Variants in NUP153 observed in about 807,000 individuals in gnomAD.
NUP153 encodes the protein nucleoporin 153.
Under a neutral mutation model 134.6 loss-of-function variants are expected in NUP153, and 27 were observed. That is an observed-to-expected ratio of 0.20 (90% CI 0.15 to 0.28). NUP153 has a LOEUF of 0.28. Among genes scored for constraint, NUP153 ranks in the 10% least tolerant of loss-of-function variants. The pLI is 1.00. For synonymous variants in NUP153, 640 were observed against 623.5 expected, an observed-to-expected ratio of 1.03 and a Z score of -0.40; for missense variants, 1,821 against 1,731.3, an observed-to-expected ratio of 1.05 and a Z score of -0.92.
chr6:17,641,319 G>C (rs893911092), intron 14 of NUP153, among the ~76,000 whole-genome samples: 3 of 152,060 alleles, frequency 2.0e-5, no homozygotes, highest in Non-Finnish European at 4.4e-5. Context: ...GGCAGATCAC[G>C]AGGTCAAGAG....
Position 17,647,741 on chromosome 6 carries a change from A to G in NUP153, c.1632+66T>C, listed in dbSNP as rs557076040. The G allele has an allele frequency of 6.7e-6, 7 of 1,048,578 alleles. No homozygotes were observed. In the East Asian group the frequency reaches 1.7e-4, roughly 25 times the overall value. 65.0% of individuals were successfully genotyped at this position (1,048,578 alleles called of 1,614,324 possible). ...TTTCTCACCACCAGTGGCATCTTAG[A>G]TTTGATAAAAATATAACATGGCTTT... On this transcript the variant is annotated intron_variant, in intron 13 of 21. Coordinates refer to ENST00000262077, the MANE Select transcript of NUP153 (RefSeq NM_005124.4).
chr6:17,691,868 G>A (rs1401959902), intron 1 of NUP153, among the ~76,000 whole-genome samples: 75 of 152,088 alleles, frequency 4.9e-4, no homozygotes, highest in Admixed American at 4.9e-3. Context: ...AGAGTGCAAT[G>A]GCACGTGATC....
intron 20 of NUP153, chr6:17,619,759 A>G (rs1764548954): frequency 6.6e-6 from 1 of 152,220 alleles, no homozygotes; most frequent in Non-Finnish European, 1.5e-5. Flanking sequence ...CTATGGATTC[A>G]ATGCAATCCC....
intron 16 of NUP153, among the ~76,000 whole-genome samples, chr6:17,634,710 TACAG>T (rs1765437611): frequency 6.6e-6 from 1 of 152,346 alleles, no homozygotes; most frequent in Non-Finnish European, 1.5e-5. Flanking sequence ...GTGCTGGGAT[TACAG>T]ACGTGAGCCA....
chr6:17,631,009 G>A (rs1765225007), intron 17 of NUP153, among the ~76,000 whole-genome samples: 1 of 152,140 alleles, frequency 6.6e-6, no homozygotes, highest in Non-Finnish European at 1.5e-5. Flanking sequence ...ATAAAAAGGG[G>A]AGCATGAATT....
chr6:17,697,808 G>C (rs1292697863), intron 1 of NUP153, among the ~76,000 whole-genome samples: 1 of 151,410 alleles, frequency 6.6e-6, no homozygotes, highest in Admixed American at 6.6e-5. Context: ...CAGCTGGGGT[G>C]GGGGAAGGCT....
chr6:17,695,597 C>T (rs1363891619), intron 1 of NUP153, among the ~76,000 whole-genome samples: 3 of 152,040 alleles, frequency 2.0e-5, no homozygotes, highest in South Asian at 2.1e-4. Flanking sequence ...TGATTTCCAC[C>T]GTTAAAGACT....
At chr6:17,643,056 G>A (rs2113791590) in intron 14 of NUP153, among the ~76,000 whole-genome samples, 1 of 152,282 alleles carries the variant, frequency 6.6e-6, no homozygotes, top group South Asian at 2.1e-4. Context: ...GGGGTTTCCT[G>A]GTGAGGGTGA....
intron 1 of NUP153, among the ~76,000 whole-genome samples, chr6:17,697,926 G>A (rs1003846565): frequency 6.6e-6 from 1 of 152,138 alleles, no homozygotes; most frequent in Non-Finnish European, 1.5e-5. Flanking sequence ...CCAACTCCTT[G>A]TCATTCCTAT....
intron 2 of NUP153, 141 bp downstream of exon 2, chr6:17,688,253 GAC>G (rs1561906036): frequency 1.6e-6 from 1 of 611,152 alleles, no homozygotes. Context: ...AAATAAAAAA[GAC>G]ATCCAATTTG....
chr6:17,697,717 G>A (rs1156847642), intron 1 of NUP153, among the ~76,000 whole-genome samples: 7 of 152,042 alleles, frequency 4.6e-5, no homozygotes, highest in African/African-American at 1.4e-4. Context: ...AGGCAGCTGG[G>A]GTGGGGGCAG....
chr6:17,643,331 G>C (rs1233087445), intron 14 of NUP153, among the ~76,000 whole-genome samples: 2 of 152,124 alleles, frequency 1.3e-5, no homozygotes, highest in African/African-American at 4.8e-5. Flanking sequence ...AATTAGCCAG[G>C]CATGGTGGCA....
chr6:17,661,940 A>G, intron 10 of NUP153, 78 bp downstream of exon 10: 1 of 1,288,536 alleles, frequency 7.8e-7, no homozygotes, highest in East Asian at 2.3e-5. Flanking sequence ...TTTAATCTTC[A>G]AAAAGGTACA....
rs1196734051 is a variant in NUP153 at position 17,629,306 on chromosome 6, A to C, written c.2893T>G (p.Ser965Ala). Reference protein sequence around the residue: ...PIGDFKFGVSSESKPEEVKKD... With the variant: ...PIGDFKFGVSAESKPEEVKKD... ...TTAACTTCTTCGGGCTTAGATTCAG[A>C]TGAAACTCCAAATTTAAAATCTCCT... The change falls in exon 18 of 22, where the codon TCT becomes GCT. Residue 965 changes from serine (S) to alanine (A), a missense_variant. Coordinates refer to ENST00000262077, the MANE Select transcript of NUP153 (RefSeq NM_005124.4). 1 of 1,607,480 alleles carries C rather than the reference A, an allele frequency of 6.2e-7. No homozygotes were observed. Among genetic ancestry groups the C allele is most frequent in the Admixed American group, 1.7e-5 (1 of 58,272 alleles).
chr6:17,678,478 T>C (rs1768370090), intron 2 of NUP153, among the ~76,000 whole-genome samples: 1 of 152,096 alleles, frequency 6.6e-6, no homozygotes, highest in South Asian at 2.1e-4. Context: ...CAAATGTCTA[T>C]TTACTAAAAA....
chr6:17,616,739 AG>A (rs2113755634), intron 20 of NUP153, 44 bp from the exon 21 acceptor site: 1 of 1,566,944 alleles, frequency 6.4e-7, no homozygotes, highest in Non-Finnish European at 8.7e-7. Flanking sequence ...GCAAAATGAT[AG>A]GTTTTTTTGT....
chr6:17,685,877 G>T (rs983323816), intron 2 of NUP153, among the ~76,000 whole-genome samples: 2 of 152,008 alleles, frequency 1.3e-5, no homozygotes, highest in Admixed American at 6.6e-5. Context: ...CTCACAGGTG[G>T]TGGCTCACAC....
rs1436536523 is a variant in NUP153 at position 17,637,790 on chromosome 6, G to A, written c.1847-20C>T. 1 of 1,576,132 alleles carries A rather than the reference G, an allele frequency of 6.3e-7. No homozygotes were observed. The highest frequency in any genetic ancestry group is 8.6e-7 in the Non-Finnish European group (1 of 1,168,144). ...CGAAACCTACAATGAACGAAGGAGA[G>A]AGTGCAACGTTAGAGAAGCTTTATA... On this transcript the variant is annotated intron_variant, in intron 15 of 21. Transcript: ENST00000262077.
At chr6:17,681,179 C>CA (rs1243432236) in intron 2 of NUP153, among the ~76,000 whole-genome samples, 2 of 151,338 alleles carry the variant, frequency 1.3e-5, no homozygotes, top group Non-Finnish European at 2.9e-5. Context: ...CACAAAAAGA[C>CA]AACTATCACA....
Sources: gnomAD v4.1 joint callset for allele counts (sites outside exome capture counted in the v4.1 genomes callset) on GRCh38, gnomAD v4.1.1 for gene constraint, MANE v1.5 for transcripts, NCBI Gene and HGNC (gene_info 2026-07-23, HGNC 2026-07-21) for gene names.